F13A1: variants seen among roughly 807,000 people sequenced by gnomAD.
F13A1 encodes FSF, A subunit.
A neutral mutation model predicts 80.1 loss-of-function variants in F13A1; 47 were observed. The ratio of observed to expected loss-of-function variants is 0.59; its 90% CI spans 0.46 to 0.75. The LOEUF is 0.75. Ranked by LOEUF, F13A1 falls within the 30% of genes least tolerant of loss-of-function variation. The pLI, the probability that F13A1 is intolerant of heterozygous loss-of-function variation, is 0.00. For synonymous variants in F13A1, 349 were observed against 344.9 expected, an observed-to-expected ratio of 1.01 and a Z score of -0.13; for missense variants, 817 against 930.4, an observed-to-expected ratio of 0.88 and a Z score of 1.59.
chr6:6,191,489 C>T (rs1248563677), intron 10 of F13A1, among the ~76,000 whole-genome samples: 1 of 152,184 alleles, frequency 6.6e-6, no homozygotes, highest in Non-Finnish European at 1.5e-5. Flanking sequence ...TAAGTACAGG[C>T]ACTTCCTACA....
Position 6,243,151 on chromosome 6 carries a change from C to T in F13A1, c.798+5161G>A, listed in dbSNP as rs1757506112. Among the ~76,000 whole-genome samples, 1 of 151,690 alleles carries T rather than the reference C, an allele frequency of 6.6e-6. No homozygotes were observed. Among genetic ancestry groups the T allele is most frequent in the African/African-American group, 2.4e-5 (1 of 41,326 alleles). On this transcript the variant is annotated intron_variant, in intron 6 of 14. Coordinates refer to ENST00000264870, the MANE Select transcript of F13A1 (RefSeq NM_000129.4). The surrounding 1 kb of genome is among the most constrained non-coding windows in gnomAD (Gnocchi z 4.2). ...CACCACCATCATAAATCACCACCAC[C>T]ACCACATTACGCCATCACCACCACT...
At chr6:6,240,412 C>T (rs964869775) in intron 6 of F13A1, among the ~76,000 whole-genome samples, 24 of 152,060 alleles carry the variant, frequency 1.6e-4, no homozygotes, top group African/African-American at 5.6e-4. Flanking sequence ...TCAGACAGGA[C>T]ATGTAAAAGG....
intron 10 of F13A1, among the ~76,000 whole-genome samples, chr6:6,187,780 A>T (rs1761106907): frequency 1.7e-5 from 2 of 117,048 alleles, no homozygotes; most frequent in Non-Finnish European, 3.7e-5. Context: ...ATTGATTGGA[A>T]TAGTTTCAGA....
chr6:6,297,881 A>G (rs1340356184), intron 3 of F13A1, among the ~76,000 whole-genome samples: 1 of 149,800 alleles, frequency 6.7e-6, no homozygotes, highest in African/African-American at 2.5e-5. Context: ...TCTTGTGGGC[A>G]TTTAGTGCTA....
intron 3 of F13A1, among the ~76,000 whole-genome samples, chr6:6,274,278 T>A (rs183818064): frequency 6.6e-6 from 1 of 152,246 alleles, no homozygotes; most frequent in African/African-American, 2.4e-5. Flanking sequence ...TCTACCTTGA[T>A]TTTATTTTAC....
At chr6:6,260,760 AAAT>A (rs965839102) in intron 4 of F13A1, among the ~76,000 whole-genome samples, 6 of 152,266 alleles carry the variant, frequency 3.9e-5, no homozygotes, top group African/African-American at 1.4e-4. Flanking sequence ...CAAGCAACAA[AAAT>A]AATAAAGCTC....
intron 3 of F13A1, among the ~76,000 whole-genome samples, chr6:6,285,073 G>C (rs1214751767): frequency 6.6e-6 from 1 of 151,778 alleles, no homozygotes; most frequent in East Asian, 1.9e-4. Context: ...GTGAAATCCC[G>C]TTTCTACTAA....
At chr6:6,146,582 C>T (rs1760285224) in intron 14 of F13A1, among the ~76,000 whole-genome samples, 1 of 152,114 alleles carries the variant, frequency 6.6e-6, no homozygotes, top group South Asian at 2.1e-4. Context: ...TATAGCCTCC[C>T]CTATAAACCT....
intron 8 of F13A1, among the ~76,000 whole-genome samples, chr6:6,220,650 A>G (rs1757179494): frequency 6.6e-6 from 1 of 152,056 alleles, no homozygotes; most frequent in East Asian, 1.9e-4. Context: ...CATTTTTAAC[A>G]ATTGCAATGA....
At chr6:6,206,813 C>G (rs1206711845) in intron 8 of F13A1, among the ~76,000 whole-genome samples, 2 of 150,620 alleles carry the variant, frequency 1.3e-5, no homozygotes, top group Non-Finnish European at 2.9e-5. Context: ...GATATACATA[C>G]AATAATATGT....
Position 6,195,836 on chromosome 6 carries a change from A to C in F13A1, c.1266T>G (p.His422Gln). The C allele has an allele frequency of 6.2e-7, 1 of 1,614,198 alleles. No homozygotes were observed. The highest frequency in any genetic ancestry group is 8.5e-7 in the Non-Finnish European group (1 of 1,180,012). Reference protein sequence around the residue: ...PASVQAIKHGHVCFQFDAPFV... With the variant: ...PASVQAIKHGQVCFQFDAPFV... ...AAGGTGCATCAAATTGGAAGCAGAC[A>C]TGGCCGTGCTTGATGGCTTGAACCG... The change falls in exon 10 of 15, where the codon CAT (histidine) becomes CAG (glutamine). Residue 422 changes from histidine (H) to glutamine (Q), a missense_variant. By Grantham distance (24) the His-to-Gln change is conservative. Coordinates refer to ENST00000264870, the MANE Select transcript of F13A1 (RefSeq NM_000129.4).
chr6:6,164,800 GTTCTCTCCTCTCCCCTCTGTTC>G (rs1337816444), intron 13 of F13A1, among the ~76,000 whole-genome samples: 2 of 108,102 alleles, frequency 1.9e-5, no homozygotes, highest in Admixed American at 1.3e-4. Context: ...TTTCTCCTCT[GTTCTCTCCTCTCCCCTCTGTTC>G]TTCTCTCCTC....
intron 3 of F13A1, among the ~76,000 whole-genome samples, chr6:6,273,761 T>C (rs901175601): frequency 2.0e-5 from 3 of 152,184 alleles, no homozygotes; most frequent in African/African-American, 7.2e-5. Flanking sequence ...GAAGTGTGAA[T>C]ACAGTTGCTT....
At chr6:6,158,780 T>A (rs1384251612) in intron 13 of F13A1, among the ~76,000 whole-genome samples, 1 of 7,358 alleles carries the variant, frequency 1.4e-4, no homozygotes, top group Non-Finnish European at 2.3e-3. Context: ...TCCACCTTAA[T>A]GAAGTTTGTG....
chr6:6,284,466 T>G (rs903043458), intron 3 of F13A1, among the ~76,000 whole-genome samples: 4 of 152,216 alleles, frequency 2.6e-5, no homozygotes, highest in African/African-American at 9.6e-5. Flanking sequence ...TTTCTTCCTC[T>G]TTTTGTAAAA....
At chr6:6,253,168 G>GTA (rs1757657968) in intron 4 of F13A1, among the ~76,000 whole-genome samples, 2 of 143,582 alleles carry the variant, frequency 1.4e-5, no homozygotes, top group Admixed American at 7.0e-5. Flanking sequence ...AAAAAAGAGA[G>GTA]AGAGAGAGAG....
intron 4 of F13A1, among the ~76,000 whole-genome samples, chr6:6,253,108 A>C (rs930620157): frequency 7.2e-6 from 1 of 139,340 alleles, no homozygotes; most frequent in African/African-American, 2.7e-5. Flanking sequence ...GCACTACTGC[A>C]CTCCAGGCTG....
At chr6:6,253,112 C>G (rs1402704410) in intron 4 of F13A1, among the ~76,000 whole-genome samples, 1 of 128,826 alleles carries the variant, frequency 7.8e-6, no homozygotes, top group Non-Finnish European at 1.5e-5. Context: ...TACTGCACTC[C>G]AGGCTGGGCA....
At chr6:6,257,761 G>A (rs374992382) in intron 4 of F13A1, among the ~76,000 whole-genome samples, 96 of 152,236 alleles carry the variant, frequency 6.3e-4, no homozygotes, top group Non-Finnish European at 9.9e-4. Flanking sequence ...CTGCATTACA[G>A]CTCACACCAG....
Sources: allele counts gnomAD v4.1 joint callset (sites outside exome capture counted in the v4.1 genomes callset), GRCh38; gene constraint gnomAD v4.1.1; non-coding constraint Gnocchi (gnomAD v3.1); transcripts MANE v1.5; gene names NCBI Gene and HGNC (gene_info 2026-07-23, HGNC 2026-07-21).